The following SEMA5A variants were observed in gnomAD, a reference collection of about 807,000 sequenced individuals.
SEMA5A encodes semaphorin-5A.
In SEMA5A, 55 loss-of-function variants were observed where a neutral mutation model predicts 135.5. The ratio of observed to expected loss-of-function variants is 0.41; its 90% CI spans 0.33 to 0.51. The LOEUF is 0.51. SEMA5A is among the 20% of genes least tolerant of loss of function. The pLI is 0.37. For synonymous variants in SEMA5A, 580 were observed against 546.5 expected (o/e 1.06, Z -0.85); for missense variants, 1,290 against 1,419.9 (o/e 0.91, Z 1.47).
chr5:9,504,976 T>A (rs745669859), intron 1 of SEMA5A, among the ~76,000 whole-genome samples: 1 of 152,258 alleles, frequency 6.6e-6, no homozygotes, highest in Admixed American at 6.5e-5. Flanking sequence ...CCGATCATCA[T>A]AGCAGCCTTG....
chr5:9,442,577 T>C (rs1326816783), intron 1 of SEMA5A, among the ~76,000 whole-genome samples: 1 of 152,140 alleles, frequency 6.6e-6, no homozygotes, highest in Non-Finnish European at 1.5e-5. Flanking sequence ...AGGGTGCCCA[T>C]GAGCCACATG....
intron 3 of SEMA5A, among the ~76,000 whole-genome samples, chr5:9,354,637 G>A (rs1293923082): frequency 6.6e-6 from 1 of 152,160 alleles, no homozygotes; most frequent in Non-Finnish European, 1.5e-5. Flanking sequence ...GACGCTGCAG[G>A]AAAACAAGTA....
chr5:9,183,771 G>C lies in SEMA5A; in HGVS notation c.1273+6496C>G, dbSNP rs965110807. ...ACCTCACTTGCCCTCTTTCCACAAC[G>C]TCTTTCCTGAGGTTTTTGTTCTGAT... On this transcript the variant is annotated intron_variant, in intron 11 of 22. Coordinates refer to ENST00000382496, the MANE Select transcript of SEMA5A (RefSeq NM_003966.3). Among the ~76,000 whole-genome samples, 136 of 152,294 alleles carry C rather than the reference G, an allele frequency of 8.9e-4. 1 individual carries two copies. The highest frequency in any genetic ancestry group is 1.5e-4 in the Non-Finnish European group (10 of 68,026).
intron 5 of SEMA5A, among the ~76,000 whole-genome samples, chr5:9,287,058 G>A (rs1454290245): frequency 6.6e-6 from 1 of 152,194 alleles, no homozygotes; most frequent in Non-Finnish European, 1.5e-5. Flanking sequence ...GGGTGGCCAG[G>A]AATGCAGAGG....
chr5:9,239,659 AT>A (rs1748096778), intron 5 of SEMA5A, among the ~76,000 whole-genome samples: 1 of 151,944 alleles, frequency 6.6e-6, no homozygotes, highest in African/African-American at 2.4e-5. Flanking sequence ...CTGAAAGAAT[AT>A]GATATATTCT....
At chr5:9,137,219 A>C (rs1463468119) in intron 12 of SEMA5A, among the ~76,000 whole-genome samples, 1 of 152,252 alleles carries the variant, frequency 6.6e-6, no homozygotes, top group East Asian at 1.9e-4. Context: ...CAACATGAAT[A>C]GTTCAAACTC....
chr5:9,342,174 A>C (rs1246529070), intron 3 of SEMA5A, among the ~76,000 whole-genome samples: 1 of 152,102 alleles, frequency 6.6e-6, no homozygotes, highest in East Asian at 1.9e-4. Flanking sequence ...AAAAGCAGAC[A>C]CTCTAAATAT....
At chr5:9,410,684 G>A (rs1002610153) in intron 2 of SEMA5A, among the ~76,000 whole-genome samples, 36 of 152,160 alleles carry the variant, frequency 2.4e-4, no homozygotes, top group African/African-American at 7.7e-4. Flanking sequence ...ACAGAGAGGC[G>A]AGCATCACAC....
At chr5:9,406,141 A>G (rs879553136) in intron 2 of SEMA5A, among the ~76,000 whole-genome samples, 62 of 152,244 alleles carry the variant, frequency 4.1e-4, no homozygotes, top group African/African-American at 1.4e-3. Flanking sequence ...ACAACAAACT[A>G]GCTCTGTCTC....
intron 1 of SEMA5A, among the ~76,000 whole-genome samples, chr5:9,486,012 G>A (rs1734699040): frequency 6.6e-6 from 1 of 151,798 alleles, no homozygotes; most frequent in Non-Finnish European, 1.5e-5. Context: ...AACTCCTTGG[G>A]GACCAACCCA....
intron 16 of SEMA5A, among the ~76,000 whole-genome samples, chr5:9,104,494 A>C (rs936397282): frequency 6.6e-6 from 1 of 152,222 alleles, no homozygotes; most frequent in Non-Finnish European, 1.5e-5. Context: ...AAATAGGGTT[A>C]AAAGGAAACA....
In SEMA5A at chr5:9,521,586, G is replaced by A. The variant is rs375858956; in HGVS notation, c.-175+23998C>T. 5.1e-4 allele frequency among the ~76,000 whole-genome samples: 77 copies of A among 152,250 alleles called. No individual in the cohort carries two copies. The South Asian group carries it at 0.012, about 25-fold the overall frequency. ...AATGAGTCAGGATTTAACACCGCTC[G>A]GTCTATTCCTGCTGAGCGGTTTATG... On this transcript the variant is annotated intron_variant, in intron 1 of 22. Coordinates refer to ENST00000382496, the MANE Select transcript of SEMA5A (RefSeq NM_003966.3).
chr5:9,372,819 C>G (rs1201782507), intron 3 of SEMA5A, among the ~76,000 whole-genome samples: 2 of 152,246 alleles, frequency 1.3e-5, no homozygotes, highest in Non-Finnish European at 2.9e-5. Flanking sequence ...TGGAGCCTAG[C>G]ACAGAAACAT....
chr5:9,183,453 C>T (rs1396782260), intron 11 of SEMA5A, among the ~76,000 whole-genome samples: 1 of 152,138 alleles, frequency 6.6e-6, no homozygotes, highest in Non-Finnish European at 1.5e-5. Flanking sequence ...TCATCCAAGC[C>T]CAGGTGCAGC....
intron 1 of SEMA5A, among the ~76,000 whole-genome samples, chr5:9,525,714 A>C (rs565761975): frequency 6.6e-6 from 1 of 152,354 alleles, no homozygotes; most frequent in South Asian, 2.1e-4. Flanking sequence ...TCCTCACATG[A>C]AGTAGAACTA....
At chr5:9,116,284 C>A (rs1490353600) in intron 15 of SEMA5A, among the ~76,000 whole-genome samples, 1 of 152,178 alleles carries the variant, frequency 6.6e-6, no homozygotes, top group Non-Finnish European at 1.5e-5. Context: ...ACTACCACTA[C>A]ACAGCAGGAG....
chr5:9,314,402 T>C (rs987491087), intron 5 of SEMA5A, among the ~76,000 whole-genome samples: 1 of 151,592 alleles, frequency 6.6e-6, no homozygotes, highest in Non-Finnish European at 1.5e-5. Context: ...CAACAGATCA[T>C]TAATTTCTTA....
At position 9,190,421 on chromosome 5, in the gene SEMA5A, C is replaced by T; in HGVS notation, c.1119G>A (p.Leu373=). ...TCAGAATGAACTTCTGAGCATCCTG[C>T]AGATTTCTCTCGGTCAGGTTCACGT... ...GLYVNLTERN[L]QDAQKFILMH... Residue 373 remains leucine, a synonymous_variant, in exon 11 of 23, where the codon CTG becomes CTA. Coordinates refer to ENST00000382496, the MANE Select transcript of SEMA5A (RefSeq NM_003966.3). 6.2e-7 allele frequency: 1 copy of T among 1,613,974 alleles called. No homozygotes were observed. The highest frequency in any genetic ancestry group is 8.5e-7 in the Non-Finnish European group (1 of 1,180,030).
At chr5:9,338,978 A>G (rs1340806463) in intron 3 of SEMA5A, among the ~76,000 whole-genome samples, 1 of 152,176 alleles carries the variant, frequency 6.6e-6, no homozygotes. Context: ...ATCAAGTAAA[A>G]TTTATCTTCT....
Sources: allele counts gnomAD v4.1 joint callset (sites outside exome capture counted in the v4.1 genomes callset), GRCh38; gene constraint gnomAD v4.1.1; transcripts MANE v1.5; gene names NCBI Gene and HGNC (gene_info 2026-07-23, HGNC 2026-07-21).